Variants in PATL2 observed in about 807,000 individuals in gnomAD.
PATL2 encodes the protein protein PAT1 homolog 2.
A neutral mutation model predicts 77.0 loss-of-function variants in PATL2; 73 were observed. That is an observed-to-expected ratio of 0.95 (90% confidence interval 0.78 to 1.15). The LOEUF (loss-of-function observed/expected upper bound fraction) is 1.15, where lower values mean the gene tolerates loss of function less well. PATL2 is among the 50% of genes most tolerant of loss of function. The pLI is 0.00. For missense variants in PATL2, 618 were observed against 655.4 expected, an observed-to-expected ratio of 0.94 and a Z score of 0.62; for synonymous variants, 265 against 257.1, an observed-to-expected ratio of 1.03 and a Z score of -0.29.
At chr15:44,681,567 T>A (rs1373473301) in intron 3 of PATL2, among the ~76,000 whole-genome samples, 1 of 152,178 alleles carries the variant, frequency 6.6e-6, no homozygotes, top group Non-Finnish European at 1.5e-5. Context: ...CCTCTATATA[T>A]CAAATATTCT....
intron 3 of PATL2, among the ~76,000 whole-genome samples, chr15:44,692,218 A>G (rs906089766): frequency 3.9e-5 from 6 of 152,344 alleles, no homozygotes; most frequent in African/African-American, 7.2e-5. Flanking sequence ...AGAATAAACA[A>G]TGGATTAGCA....
At chr15:44,694,631 C>G (rs2086464584) in intron 3 of PATL2, among the ~76,000 whole-genome samples, 1 of 152,100 alleles carries the variant, frequency 6.6e-6, no homozygotes, top group South Asian at 2.1e-4. Context: ...TCCAGGATAC[C>G]AAAGTACAGC....
At chr15:44,695,075 C>T (rs1425256282) in intron 3 of PATL2, among the ~76,000 whole-genome samples, 1 of 151,942 alleles carries the variant, frequency 6.6e-6, no homozygotes, top group Non-Finnish European at 1.5e-5. Flanking sequence ...GTAGTCCCAG[C>T]TACTCAGGAA....
chr15:44,697,305 TTCCCTCCTTCTTC>T (rs2086527620), intron 3 of PATL2: 1 of 152,340 alleles, frequency 6.6e-6, no homozygotes, highest in Non-Finnish European at 1.5e-5. Context: ...CCTCCTTCTT[TTCCCTCCTTCTTC>T]TTCCTTCTTC....
chr15:44,668,570 C>G, intron 14 of PATL2, 88 bp from the exon 15 acceptor site: 1 of 1,470,782 alleles, frequency 6.8e-7, no homozygotes, highest in Non-Finnish European at 9.1e-7. Context: ...CCTCGCTGAC[C>G]TGTCTTTGGC....
At chr15:44,695,843 C>A (rs1034230711) in intron 3 of PATL2, among the ~76,000 whole-genome samples, 2 of 152,142 alleles carry the variant, frequency 1.3e-5, no homozygotes, top group African/African-American at 4.8e-5. Context: ...TGATTCTTTA[C>A]CAAATAATTC....
At chr15:44,667,722 C>G (rs1252579119) in intron 15 of PATL2, among the ~76,000 whole-genome samples, 1 of 152,150 alleles carries the variant, frequency 6.6e-6, no homozygotes, top group South Asian at 2.1e-4. Flanking sequence ...GCAGGCGAAT[C>G]ACTTAAAGTT....
Position 44,666,446 on chromosome 15 carries a change from A to G in PATL2, c.1559T>C (p.Leu520Pro). ...PLAFPSNLLP[L>P]FCHHVDKQLV... is the part of the protein sequence containing the mutation. ...TTGTTTGTCCACGTGGTGACAGAAC[A>G]GGGGAAGTAGGTTGCTGGGGAAAGC... is the stretch of plus-strand genomic sequence containing the variant. The change falls in exon 17 of 18, where the codon CTG becomes CCG. Residue 520 changes from leucine (L) to proline (P), a missense_variant. By Grantham distance (98) the Leu-to-Pro change is moderately conservative (BLOSUM62 -3). Coordinates refer to ENST00000682850, the MANE Select transcript of PATL2 (RefSeq NM_001387263.1). 1.9e-6 allele frequency: 3 copies of G among 1,551,734 alleles called. No homozygotes were observed. Among genetic ancestry groups the G allele is most frequent in the East Asian group, 2.4e-5 (1 of 40,928 alleles).
At position 44,676,455 on chromosome 15, in the gene PATL2, C is replaced by T; in HGVS notation, c.16+20G>A. ...CATGCTGGGGCATTTTATATAACAT[C>T]ACGGCCCACTTGTTGATACCTTCAA... On this transcript the variant is annotated intron_variant, in intron 4 of 17. Coordinates refer to ENST00000682850, the MANE Select transcript of PATL2 (RefSeq NM_001387263.1). 1 of 1,540,994 alleles carries T rather than the reference C, an allele frequency of 6.5e-7. No individual in the cohort carries two copies. The highest frequency in any genetic ancestry group is 8.8e-7 in the Non-Finnish European group (1 of 1,137,262).
At chr15:44,694,774 A>C (rs1173158132) in intron 3 of PATL2, among the ~76,000 whole-genome samples, 1 of 152,214 alleles carries the variant, frequency 6.6e-6, no homozygotes, top group Non-Finnish European at 1.5e-5. Context: ...TGGTGGAGGC[A>C]AACCACTGTT....
At chr15:44,679,986 G>A (rs1407907631) in intron 3 of PATL2, among the ~76,000 whole-genome samples, 1 of 152,212 alleles carries the variant, frequency 6.6e-6, no homozygotes, top group Non-Finnish European at 1.5e-5. Context: ...GTCAGCATCT[G>A]TGCTGTATGA....
At chr15:44,671,906 C>T in intron 9 of PATL2, 109 bp downstream of exon 9, 1 of 1,361,796 alleles carries the variant, frequency 7.3e-7, no homozygotes, top group South Asian at 1.4e-5. Flanking sequence ...CTCTCTCCCA[C>T]CTGAACAGAC....
At chr15:44,668,634 C>T (rs2085504318) in intron 14 of PATL2, 152 bp from the exon 15 acceptor site, 1 of 980,660 alleles carries the variant, frequency 1.0e-6, no homozygotes, top group Admixed American at 3.0e-5. Context: ...TCTCCATCCC[C>T]AACACTGACA....
At chr15:44,672,679 A>T (rs2085749017) in intron 7 of PATL2, among the ~76,000 whole-genome samples, 1 of 152,178 alleles carries the variant, frequency 6.6e-6, no homozygotes, top group Non-Finnish European at 1.5e-5. Flanking sequence ...GAAATCTTGG[A>T]ACAGTAGAAA....
intron 6 of PATL2, 40 bp from the exon 7 acceptor site, chr15:44,673,417 C>T (rs1414189402): frequency 1.3e-6 from 2 of 1,548,504 alleles, no homozygotes; most frequent in Admixed American, 2.0e-5. Flanking sequence ...ACGCCATCTC[C>T]ACCAAAAGAA....
chr15:44,711,305 G>A lies in PATL2; in HGVS notation c.-539C>T, dbSNP rs1469777239. 9.9e-6 allele frequency: 6 copies of A among 608,140 alleles called. No individual in the cohort carries two copies. Among genetic ancestry groups the A allele is most frequent in the South Asian group, 1.9e-5 (1 of 52,876 alleles). The allele number at this position is 608,140 out of a possible 1,614,324, so 37.7% of individuals were successfully genotyped here. A position where few individuals can be genotyped will look rare whatever the true frequency, so the allele number is the denominator to read the frequency against. On this transcript the variant is annotated 5_prime_UTR_variant, in exon 1 of 18. Coordinates refer to ENST00000682850, the MANE Select transcript of PATL2 (RefSeq NM_001387263.1). ...TGGGGCGCGCACCCCAGATCGGAGG[G>A]CGCCGATGTACAGACAGCAAACTCA...
At chr15:44,673,449 T>C (rs2085793604) in intron 6 of PATL2, 72 bp from the exon 7 acceptor site, 1 of 1,512,490 alleles carries the variant, frequency 6.6e-7, no homozygotes, top group South Asian at 1.2e-5. Context: ...TTGTGAGGGC[T>C]CAGTTCCTTT....
chr15:44,667,898 G>A (rs369167536), intron 15 of PATL2, among the ~76,000 whole-genome samples: 4 of 152,238 alleles, frequency 2.6e-5, no homozygotes, highest in African/African-American at 2.4e-5. Context: ...AGCCAAGATC[G>A]TGCCACTGTA....
chr15:44,703,612 C>G (rs1198891590), intron 3 of PATL2, among the ~76,000 whole-genome samples: 1 of 150,290 alleles, frequency 6.7e-6, no homozygotes, highest in Non-Finnish European at 1.5e-5. Flanking sequence ...ATTCATGATC[C>G]TTTTTGGTTT....
Sources: gnomAD v4.1 joint callset for allele counts (sites outside exome capture counted in the v4.1 genomes callset) on GRCh38, gnomAD v4.1.1 for gene constraint, MANE v1.5 for transcripts, NCBI Gene and HGNC (gene_info 2026-07-23, HGNC 2026-07-21) for gene names.